Variants in MFAP3L observed in about 807,000 individuals in gnomAD.
The protein encoded by MFAP3L is microfibril associated protein 3 like.
MFAP3L carries 5 observed loss-of-function variants against 20.0 expected under a neutral mutation model. The observed-to-expected ratio is 0.25, with a 90% CI of 0.13 to 0.53. MFAP3L has a LOEUF of 0.53. MFAP3L is among the 20% of genes least tolerant of loss of function. The pLI is 0.96. For synonymous variants in MFAP3L, 219 were observed against 213.0 expected (o/e 1.03, Z -0.25); for missense variants, 409 against 527.5 (o/e 0.78, Z 2.20).
At chr4:170,006,920 C>T (rs1305169767) in intron 1 of MFAP3L, 1 of 152,266 alleles carries the variant, frequency 6.6e-6, no homozygotes, top group Non-Finnish European at 1.5e-5. Context: ...CATGTACACC[C>T]TGGTTTCAAT....
At chr4:170,014,012 G>A (rs1022777264) in intron 1 of MFAP3L, among the ~76,000 whole-genome samples, 5 of 152,124 alleles carry the variant, frequency 3.3e-5, no homozygotes, top group East Asian at 1.9e-4. Flanking sequence ...TCCCTAAAAC[G>A]GATCACAATG....
At position 170,003,957 on chromosome 4, in the gene MFAP3L, T is replaced by C. The variant is rs561406321; in HGVS notation, c.298+1623A>G. ...CTGTCAGTAGTGAAGGTTCTTGTTA[T>C]AGCCACTTTTTAAAATTGAGACAGA... On this transcript the variant is annotated intron_variant, in intron 2 of 2. Coordinates refer to ENST00000361618, the MANE Select transcript of MFAP3L (RefSeq NM_021647.8). 1.8e-4 allele frequency: 102 copies of C among 561,044 alleles called. No individual in the cohort carries two copies. The South Asian group carries it at 5.0e-3, about 27-fold the overall frequency. The allele number at this position is 561,044 out of a possible 1,614,324, so 34.8% of individuals were successfully genotyped here. A position where few individuals can be genotyped will look rare whatever the true frequency, so the allele number is the denominator to read the frequency against.
chr4:170,001,910 A>G (rs1738650324), intron 2 of MFAP3L: 1 of 984,864 alleles, frequency 1.0e-6, no homozygotes, highest in Non-Finnish European at 1.2e-6. Context: ...ATGACAGGAA[A>G]TAGCCCCATT....
chr4:170,004,393 G>A (rs1267320215), intron 2 of MFAP3L, among the ~76,000 whole-genome samples: 2 of 152,106 alleles, frequency 1.3e-5, no homozygotes, highest in Non-Finnish European at 2.9e-5. Flanking sequence ...GGTTAAACGC[G>A]ATTCATAATA....
Position 169,991,729 on chromosome 4 carries a change from C to T in MFAP3L, c.879G>A (p.Leu293=), listed in dbSNP as rs1737709652. The change falls in exon 3 of 3, where the codon CTG becomes CTA. Residue 293 remains leucine (L), a synonymous_variant. Coordinates refer to ENST00000361618, the MANE Select transcript of MFAP3L (RefSeq NM_021647.8). The surrounding 1 kb of genome is among the most constrained non-coding windows in gnomAD (Gnocchi z 4.9). ...RDEVYTIPNS[L]KRSDSPAADS... ...CAGCGGCAGGGGAGTCGCTCCGCTT[C>T]AGAGAGTTGGGGATTGTGTAGACCT... The T allele has an allele frequency of 6.2e-7, 1 of 1,614,096 alleles. No homozygotes were observed. The highest frequency in any genetic ancestry group is 8.5e-7 in the Non-Finnish European group (1 of 1,180,024).
chr4:170,010,814 G>GT (rs1275146221), intron 1 of MFAP3L, among the ~76,000 whole-genome samples: 1 of 151,528 alleles, frequency 6.6e-6, no homozygotes, highest in Admixed American at 6.6e-5. Flanking sequence ...ATTGCGGGGG[G>GT]GTGGGTGCCC....
At chr4:170,024,298 AT>A (rs1377998595) in intron 1 of MFAP3L, among the ~76,000 whole-genome samples, 1 of 152,116 alleles carries the variant, frequency 6.6e-6, no homozygotes, top group African/African-American at 2.4e-5. Context: ...TGTACTTAGG[AT>A]TTGTGGATCG....
chr4:170,005,692 G>C lies in MFAP3L; in HGVS notation c.186C>G (p.Asn62Lys). 6.2e-7 allele frequency: 1 copy of C among 1,614,202 alleles called. No individual in the cohort carries two copies. Among genetic ancestry groups the C allele is most frequent in the Non-Finnish European group, 8.5e-7 (1 of 1,180,042 alleles). ...AAACACTACAGTTAATCAAGGCACT[G>C]TTCCCTTCCTTGACTATGATATGGT... ...RTDHIIVKEG[N>K]SALINCSVYG... The change falls in exon 2 of 3, where the codon AAC becomes AAG. Residue 62 changes from asparagine to lysine, a missense_variant. Transcript: ENST00000361618.
chr4:170,026,415 C>G, upstream of MFAP3L: 1 of 441,344 alleles, frequency 2.3e-6, no homozygotes, highest in Non-Finnish European at 3.0e-6. Context: ...GCGGAGCTTC[C>G]CACCTACAGG....
Position 170,013,699 on chromosome 4 carries a change from AC to A in MFAP3L, c.-133-7690del, listed in dbSNP as rs1424067879. Among the ~76,000 whole-genome samples, 6 of 152,356 alleles carry A rather than the reference AC, an allele frequency of 3.9e-5. No individual in the cohort carries two copies. The South Asian group carries it at 1.2e-3, about 32-fold the overall frequency. On this transcript the variant is annotated intron_variant, in intron 1 of 2. Transcript: ENST00000361618. ...TTATTAAATTGTTCTAGCACTTGAA[AC>A]ATGCAGTGCAGGCTATTCTAATCAC...
At chr4:170,022,187 C>T (rs1740077423) in intron 1 of MFAP3L, among the ~76,000 whole-genome samples, 3 of 152,316 alleles carry the variant, frequency 2.0e-5, no homozygotes, top group Admixed American at 1.3e-4. Context: ...TAATTTCATA[C>T]ATGCATACAA....
intron 1 of MFAP3L, among the ~76,000 whole-genome samples, chr4:170,012,132 C>T (rs1039393344): frequency 2.0e-5 from 3 of 152,120 alleles, no homozygotes; most frequent in African/African-American, 7.2e-5. Flanking sequence ...TCAGCTTGAT[C>T]CTCATATGGC....
upstream of MFAP3L, chr4:170,027,177 C>T (rs67400066): frequency 0.088 from 13,347 of 150,864 alleles, 610 homozygotes; most frequent in Middle Eastern, 0.14. Context: ...AGTTTCGCTA[C>T]ACGATCCTGC....
Position 170,011,653 on chromosome 4 carries a change from CTT to C in MFAP3L, c.-133-5645_-133-5644del, listed in dbSNP as rs1739386951. Among the ~76,000 whole-genome samples the C allele has an allele frequency of 2.0e-5, 3 of 152,124 alleles. No individual in the cohort carries two copies. The South Asian group carries it at 6.2e-4, about 31-fold the overall frequency. Reference sequence around the variant, plus strand: ...TGCCAGGGGTTGAGGCCTTCCCCCTCTTGTCAGAATCCGGAAGGGGACACAGG... The same window carrying C: ...TGCCAGGGGTTGAGGCCTTCCCCCTCGTCAGAATCCGGAAGGGGACACAGG... On this transcript the variant is annotated intron_variant, in intron 1 of 2. Transcript: ENST00000361618.
intron 2 of MFAP3L, chr4:170,003,938 G>T: frequency 2.8e-6 from 2 of 715,368 alleles, no homozygotes; most frequent in Non-Finnish European, 1.7e-6. Context: ...TCCACTGTCA[G>T]TAGTGAAGGT....
intron 2 of MFAP3L, among the ~76,000 whole-genome samples, chr4:169,998,970 T>C (rs535537751): frequency 6.6e-6 from 1 of 152,354 alleles, no homozygotes; most frequent in South Asian, 2.1e-4. Context: ...CATATGTGTT[T>C]GTATCTATAA....
intron 1 of MFAP3L, among the ~76,000 whole-genome samples, chr4:170,019,198 G>A (rs1739880367): frequency 6.6e-6 from 1 of 152,176 alleles, no homozygotes; most frequent in African/African-American, 2.4e-5. Context: ...GTCTCCTCAG[G>A]GTGGTCATTA....
upstream of MFAP3L, chr4:170,027,090 A>C (rs1452064021): frequency 6.6e-6 from 1 of 151,958 alleles, no homozygotes; most frequent in East Asian, 1.9e-4. Context: ...TGTAATTTCC[A>C]CGTTTTTTCT....
At chr4:170,014,093 T>C (rs1422180574) in intron 1 of MFAP3L, among the ~76,000 whole-genome samples, 1 of 152,204 alleles carries the variant, frequency 6.6e-6, no homozygotes, top group East Asian at 1.9e-4. Context: ...TTAGAGTCTA[T>C]ATTCAACCTA....
Sources: gnomAD v4.1 joint callset for allele counts (sites outside exome capture counted in the v4.1 genomes callset) on GRCh38, gnomAD v4.1.1 for gene constraint, Gnocchi (gnomAD v3.1) non-coding constraint, MANE v1.5 for transcripts, NCBI Gene and HGNC (gene_info 2026-07-23, HGNC 2026-07-21) for gene names.